TEX11: variants seen among roughly 807,000 people sequenced by gnomAD.
TEX11 encodes the protein testis-expressed protein 11.
A neutral mutation model predicts 84.4 loss-of-function variants in TEX11; 7 were observed. That is an observed-to-expected ratio of 0.08 (90% CI 0.05 to 0.16). The LOEUF (loss-of-function observed/expected upper bound fraction) is 0.16, where lower values mean the gene tolerates loss of function less well. Ranked by LOEUF, TEX11 falls within the 10% of genes least tolerant of loss-of-function variation. The pLI is 1.00. For missense variants in TEX11, 551 were observed against 660.5 expected (o/e 0.83, Z 1.82); for synonymous variants, 264 against 222.8 (o/e 1.18, Z -1.64).
At chrX:70,644,787 G>C (rs1439089724) in intron 17 of TEX11, among the ~76,000 whole-genome samples, 2 of 65,264 alleles carry the variant, frequency 3.1e-5, no homozygotes, top group Admixed American at 2.0e-4. Context: ...TGGGGGGAGG[G>C]GGGAGGGATA....
intron 20 of TEX11, among the ~76,000 whole-genome samples, chrX:70,621,620 A>C: frequency 1.1e-5 from 1 of 95,136 alleles, no homozygotes; most frequent in Middle Eastern, 5.1e-3. Flanking sequence ...AAATGAAATA[A>C]AAACTTAAAG....
chrX:70,751,646 G>GA lies in TEX11; in HGVS notation c.693-7428dup, dbSNP rs200769947. Reference sequence around the variant, plus strand: ...CTTAAAGTATAATAAACAAAAAAAAGAAAAAAAAATCTGTGAAATTAGAAT... The same window carrying GA: ...CTTAAAGTATAATAAACAAAAAAAAGAAAAAAAAAATCTGTGAAATTAGAAT... On this transcript the variant is annotated intron_variant, in intron 9 of 29. Coordinates refer to ENST00000374333, the MANE Select transcript of TEX11 (RefSeq NM_031276.3). Among the ~76,000 whole-genome samples the GA allele has an allele frequency of 3.1e-4, 34 of 109,265 alleles. No individual in the cohort carries two copies. The East Asian group carries it at 8.3e-3, about 27-fold the overall frequency. The allele number at this position is 109,265 out of a possible 115,157, so 94.9% of individuals were successfully genotyped here.
At chrX:70,743,464 C>T (rs1215532985) in intron 10 of TEX11, among the ~76,000 whole-genome samples, 1 of 112,132 alleles carries the variant, frequency 8.9e-6, no homozygotes, top group Non-Finnish European at 1.9e-5. Flanking sequence ...TTTTACATCA[C>T]ATTTATTTAC....
chrX:70,636,530 C>T (rs1419528941), intron 17 of TEX11, among the ~76,000 whole-genome samples: 4 of 111,936 alleles, frequency 3.6e-5, no homozygotes, highest in African/African-American at 1.3e-4. Flanking sequence ...AGGCTTGAGG[C>T]CCACCCCAGT....
chrX:70,772,182 C>T (rs1344743597), intron 9 of TEX11, among the ~76,000 whole-genome samples: 1 of 111,831 alleles, frequency 8.9e-6, no homozygotes, highest in Non-Finnish European at 1.9e-5. Flanking sequence ...GACAGGCAGA[C>T]TGGTAAAGGG....
chrX:70,858,305 G>A (rs749916619), intron 5 of TEX11, among the ~76,000 whole-genome samples: 18 of 108,239 alleles, frequency 1.7e-4, no homozygotes, highest in Non-Finnish European at 2.7e-4. Context: ...AAAATTAGCC[G>A]GGTGCAGTGG....
intron 20 of TEX11, among the ~76,000 whole-genome samples, chrX:70,613,803 G>T (rs1034904518): frequency 1.8e-5 from 2 of 111,174 alleles, no homozygotes; most frequent in Admixed American, 9.5e-5. Flanking sequence ...TTGAAGAGAA[G>T]AGAGGGAAGA....
At chrX:70,639,191 T>C (rs5980986) in intron 17 of TEX11, among the ~76,000 whole-genome samples, 21,690 of 111,189 alleles carry the variant, frequency 0.2, 1,662 homozygotes, top group African/African-American at 0.21. Flanking sequence ...CACTCCCACC[T>C]GAATACTGCG....
intron 9 of TEX11, among the ~76,000 whole-genome samples, chrX:70,785,001 A>T (rs147402025): frequency 0.4 from 44,327 of 110,747 alleles, 7,389 homozygotes; most frequent in East Asian, 0.55. Context: ...GGAAACAGAA[A>T]AGAGCCCACA....
At chrX:70,511,822 C>T in the TEX11 span, among the ~76,000 whole-genome samples, 4 of 98,349 alleles carry the variant, frequency 4.1e-5, no homozygotes, top group Non-Finnish European at 8.3e-5. Flanking sequence ...AAAAGGGCAA[C>T]ATAGGGAGAT....
chrX:70,686,957 A>G (rs1189516776), intron 13 of TEX11, among the ~76,000 whole-genome samples: 1 of 111,935 alleles, frequency 8.9e-6, no homozygotes, highest in Non-Finnish European at 1.9e-5. Context: ...CCTTATTTAT[A>G]CATAGGTAGA....
intron 4 of TEX11, among the ~76,000 whole-genome samples, chrX:70,861,157 G>C (rs2091566982): frequency 1.0e-5 from 1 of 100,064 alleles, no homozygotes; most frequent in Non-Finnish European, 2.0e-5. Flanking sequence ...CGCCTCCCGG[G>C]TTCACGCCAT....
At chrX:70,810,198 G>T (rs1231308353) in intron 8 of TEX11, among the ~76,000 whole-genome samples, 1 of 111,879 alleles carries the variant, frequency 8.9e-6, no homozygotes, top group Non-Finnish European at 1.9e-5. Context: ...GTTGGTGGGG[G>T]TGTAAATTAG....
chrX:70,908,104 G>T (rs1378590187), intron 1 of TEX11, among the ~76,000 whole-genome samples: 1 of 111,430 alleles, frequency 9.0e-6, no homozygotes, highest in Non-Finnish European at 1.9e-5. Flanking sequence ...CTCAAAATCC[G>T]CTTCCGCTAC....
At chrX:70,658,273 C>G (rs779492765) in intron 16 of TEX11, among the ~76,000 whole-genome samples, 1 of 110,373 alleles carries the variant, frequency 9.1e-6, no homozygotes, top group South Asian at 3.9e-4. Flanking sequence ...AAAAATTAGC[C>G]GGGCACGATG....
At chrX:70,832,308 G>A (rs2091381297) in intron 8 of TEX11, among the ~76,000 whole-genome samples, 1 of 111,973 alleles carries the variant, frequency 8.9e-6, no homozygotes, top group Non-Finnish European at 1.9e-5. Flanking sequence ...CCAGATTGAA[G>A]GAGACTGAAG....
At chrX:70,827,938 T>C (rs5937000) in intron 8 of TEX11, among the ~76,000 whole-genome samples, 38,511 of 110,688 alleles carry the variant, frequency 0.35, 6,119 homozygotes, top group Non-Finnish European at 0.49. Flanking sequence ...TGACTCCATA[T>C]GTTTCAGAGA....
intron 16 of TEX11, among the ~76,000 whole-genome samples, chrX:70,663,806 G>A (rs987451538): frequency 3.6e-5 from 4 of 111,422 alleles, no homozygotes; most frequent in African/African-American, 1.3e-4. Context: ...ATCCTAAATC[G>A]AACCCTTGTA....
rs1273779153 is a variant in TEX11 at position 70,740,779 on chromosome X, T to C, written c.765A>G (p.Leu255=). The change falls in exon 11 of 30, where the codon CTA becomes CTG. Residue 255 remains leucine, a synonymous_variant. Transcript: ENST00000374333. ...CCCAATCCAAATAATTCGTGGCTAA[T>C]AGCCGTAGAACTTTAGCCTGTAAGA... is the stretch of plus-strand genomic sequence containing the variant. ...GPEMLAKVLR[L]LATNYLDWDD... 6 of 1,181,558 alleles carry C rather than the reference T, an allele frequency of 5.1e-6. No homozygotes were observed. In the African/African-American group the frequency reaches 7.2e-5, roughly 14 times the overall value.
Sources: gnomAD v4.1 joint callset for allele counts (sites outside exome capture counted in the v4.1 genomes callset) on GRCh38, gnomAD v4.1.1 for gene constraint, MANE v1.5 for transcripts, NCBI Gene and HGNC (gene_info 2026-07-23, HGNC 2026-07-21) for gene names.